The following USP28 variants were observed in gnomAD, a reference collection of about 807,000 sequenced individuals.
USP28 encodes the protein ubiquitin carboxyl-terminal hydrolase 28.
Under a neutral mutation model 145.0 loss-of-function variants are expected in USP28, and 113 were observed. The observed-to-expected ratio is 0.78, with a 90% CI of 0.67 to 0.91. USP28 has a LOEUF of 0.91. Among genes scored for constraint, USP28 ranks in the 40% least tolerant of loss-of-function variants. USP28 has a pLI of 0.00. For missense variants in USP28, 1,201 were observed against 1,289.6 expected, an observed-to-expected ratio of 0.93 and a Z score of 1.05; for synonymous variants, 447 against 450.9, an observed-to-expected ratio of 0.99 and a Z score of 0.11.
At chr11:113,846,242 T>C (rs1945834670) in intron 3 of USP28, among the ~76,000 whole-genome samples, 1 of 152,182 alleles carries the variant, frequency 6.6e-6, no homozygotes, top group Non-Finnish European at 1.5e-5. Context: ...GTGGTGACAG[T>C]TGCACAACAA....
intron 8 of USP28, among the ~76,000 whole-genome samples, chr11:113,831,352 G>C (rs1943963908): frequency 6.6e-6 from 1 of 152,174 alleles, no homozygotes; most frequent in Non-Finnish European, 1.5e-5. Flanking sequence ...TGGTACAACA[G>C]AAATAAAAAG....
chr11:113,800,248 G>A (rs1413441861), intron 24 of USP28, among the ~76,000 whole-genome samples: 2 of 151,950 alleles, frequency 1.3e-5, no homozygotes, highest in African/African-American at 4.8e-5. Context: ...CTCGTGATCC[G>A]CCCACCTCAG....
At chr11:113,821,086 G>C in intron 12 of USP28, 1 of 243,316 alleles carries the variant, frequency 4.1e-6, no homozygotes, top group South Asian at 6.4e-5. Flanking sequence ...CACTGGTGAG[G>C]GACTTGGGAT....
At chr11:113,864,594 C>T (rs1179232551) in intron 1 of USP28, among the ~76,000 whole-genome samples, 2 of 152,080 alleles carry the variant, frequency 1.3e-5, no homozygotes, top group African/African-American at 4.8e-5. Context: ...AGTGCCAGGA[C>T]CAAGGAAAAT....
chr11:113,807,791 T>A (rs962946687), intron 18 of USP28, among the ~76,000 whole-genome samples, 160 bp downstream of exon 19: 2 of 152,114 alleles, frequency 1.3e-5, no homozygotes, highest in Non-Finnish European at 2.9e-5. Context: ...TGGCTATCTT[T>A]TAAATAATGG....
At chr11:113,803,240 C>T (rs754101498) in exon 23 of USP28, 3 of 1,614,058 alleles carry the variant, frequency 1.9e-6, no homozygotes, top group Non-Finnish European at 2.5e-6. Flanking sequence ...GGCAGCATTG[C>T]TCTGGTAGGC....
chr11:113,799,352 A>G (rs1359730331), exon 25 of USP28: 1 of 1,614,246 alleles, frequency 6.2e-7, no homozygotes, highest in Admixed American at 1.7e-5. Flanking sequence ...TTTCAAGACG[A>G]TGATTTCTGC....
At chr11:113,843,856 TAGACAACTC>T (rs964693432) in intron 3 of USP28, among the ~76,000 whole-genome samples, 132 of 152,216 alleles carry the variant, frequency 8.7e-4, no homozygotes, top group Middle Eastern at 6.8e-3. Flanking sequence ...ACCTAAGTAC[TAGACAACTC>T]AAGAAGGAAA....
intron 1 of USP28, among the ~76,000 whole-genome samples, chr11:113,857,012 G>C (rs138244940): frequency 6.6e-6 from 1 of 152,134 alleles, no homozygotes; most frequent in Non-Finnish European, 1.5e-5. Flanking sequence ...GAAGTAGAGA[G>C]GTAAATATTA....
At chr11:113,800,042 G>C (rs974172113) in intron 24 of USP28, among the ~76,000 whole-genome samples, 1 of 150,934 alleles carries the variant, frequency 6.6e-6, no homozygotes, top group Non-Finnish European at 1.5e-5. Flanking sequence ...GTCTCACTCT[G>C]TCGCCCAGGC....
intron 22 of USP28, 86 bp downstream of exon 23, chr11:113,803,712 G>A: frequency 2.7e-6 from 3 of 1,105,392 alleles, no homozygotes; most frequent in South Asian, 1.4e-5. Flanking sequence ...GTTATGCATG[G>A]CTGTGACTCT....
intron 1 of USP28, among the ~76,000 whole-genome samples, chr11:113,870,629 A>G (rs1404937659): frequency 6.6e-6 from 1 of 152,234 alleles, no homozygotes; most frequent in African/African-American, 2.4e-5. Context: ...AGGCCTCTGA[A>G]CAATCAGCCA....
intron 14 of USP28, 136 bp from the exon 15 acceptor site, chr11:113,814,091 A>G: frequency 1.6e-6 from 1 of 612,016 alleles, no homozygotes; most frequent in East Asian, 2.9e-5. Flanking sequence ...GAAGCAATAT[A>G]CAGTTTTAAA....
chr11:113,825,971 C>T (rs1392163659), intron 11 of USP28, among the ~76,000 whole-genome samples: 1 of 151,990 alleles, frequency 6.6e-6, no homozygotes, highest in Non-Finnish European at 1.5e-5. Flanking sequence ...AAAAATAAAC[C>T]ATGGGATAAG....
chr11:113,867,618 T>C (rs36022874), intron 1 of USP28, among the ~76,000 whole-genome samples: 29,502 of 151,832 alleles, frequency 0.19, 2,934 homozygotes, highest in Middle Eastern at 0.21. Flanking sequence ...GTTCCAGCTC[T>C]GCAGCAGGCT....
intron 18 of USP28, among the ~76,000 whole-genome samples, 199 bp from the exon 20 acceptor site, chr11:113,806,783 C>A (rs1464776705): frequency 1.3e-5 from 2 of 152,198 alleles, no homozygotes; most frequent in South Asian, 4.1e-4. Flanking sequence ...AATGTCAACA[C>A]CCTGCCCAAG....
At chr11:113,816,005 T>G (rs1941680745) in intron 13 of USP28, among the ~76,000 whole-genome samples, 1 of 152,208 alleles carries the variant, frequency 6.6e-6, no homozygotes, top group Admixed American at 6.5e-5. Flanking sequence ...AGTATTAATA[T>G]CTCATCTACA....
chr11:113,842,664 CTA>C (rs1372796098), intron 3 of USP28, among the ~76,000 whole-genome samples: 1 of 150,794 alleles, frequency 6.6e-6, no homozygotes, highest in Non-Finnish European at 1.5e-5. Context: ...GTAAAATTCA[CTA>C]TCTTAACAGT....
chr11:113,805,414 C>T (rs997808173), intron 19 of USP28, among the ~76,000 whole-genome samples: 2 of 151,910 alleles, frequency 1.3e-5, no homozygotes, highest in Admixed American at 6.6e-5. Context: ...TACCACCATG[C>T]CCAGTTAATT....
Sources: allele counts gnomAD v4.1 joint callset (sites outside exome capture counted in the v4.1 genomes callset), GRCh38; gene constraint gnomAD v4.1.1; transcripts MANE v1.5; gene names NCBI Gene and HGNC (gene_info 2026-07-23, HGNC 2026-07-21).